Variants in ZBTB20 observed in about 807,000 individuals in gnomAD.
ZBTB20 encodes the protein zinc finger and BTB domain-containing protein 20.
A neutral mutation model predicts 56.9 loss-of-function variants in ZBTB20; 9 were observed. The ratio of observed to expected loss-of-function variants is 0.16; its 90% confidence interval spans 0.10 to 0.28. ZBTB20 has a LOEUF of 0.28. ZBTB20 is among the 10% of genes least tolerant of loss of function. The pLI is 1.00. For synonymous variants in ZBTB20, 417 were observed against 420.7 expected (o/e 0.99, Z 0.11); for missense variants, 655 against 1,003.0 (o/e 0.65, Z 4.69).
Position 114,485,089 on chromosome 3 carries a change from A to G in ZBTB20, c.-255+15263T>C, listed in dbSNP as rs192910942. ...GTCCTGACTCTGCCCCTCCTGGGTCACTCAGTCTATTTTCCCTGGATCCGC... is the reference window on the plus strand; with the variant it reads ...GTCCTGACTCTGCCCCTCCTGGGTCGCTCAGTCTATTTTCCCTGGATCCGC... On this transcript the variant is annotated intron_variant, in intron 7 of 11. Transcript: ENST00000675478. Among the ~76,000 whole-genome samples the G allele has an allele frequency of 1.2e-3, 181 of 152,306 alleles. 1 individual carries two copies. The highest frequency in any genetic ancestry group is 8.5e-4 in the Non-Finnish European group (58 of 68,024).
At chr3:114,475,394 T>A (rs139461220) in intron 7 of ZBTB20, among the ~76,000 whole-genome samples, 153 of 152,288 alleles carry the variant, frequency 1.0e-3, no homozygotes, top group Admixed American at 3.5e-3. Context: ...CTCAGCTCCG[T>A]TGCTAGATTA....
rs147861482 is a variant in ZBTB20 at position 114,712,068 on chromosome 3, A to G, written c.-342-18493T>C. Among the ~76,000 whole-genome samples, 291 of 152,334 alleles carry G rather than the reference A, an allele frequency of 1.9e-3. 1 individual carries two copies. The highest frequency in any genetic ancestry group is 6.6e-3 in the African/African-American group (275 of 41,570). Reference sequence around the variant, plus strand: ...AGAGAAGTTAGAAGTCCTGGCAGCGATCAGTGAGTATTAAAGAATGCCAGT... The same window carrying G: ...AGAGAAGTTAGAAGTCCTGGCAGCGGTCAGTGAGTATTAAAGAATGCCAGT... On this transcript the variant is annotated intron_variant, in intron 5 of 11. Transcript: ENST00000675478.
intron 7 of ZBTB20, among the ~76,000 whole-genome samples, chr3:114,464,626 G>A (rs2092464344): frequency 6.6e-6 from 1 of 152,144 alleles, no homozygotes; most frequent in Non-Finnish European, 1.5e-5. Flanking sequence ...ACTAATAAAT[G>A]AATAAATAAA....
chr3:114,632,319 C>A (rs1350174537), intron 6 of ZBTB20, among the ~76,000 whole-genome samples: 1 of 152,116 alleles, frequency 6.6e-6, no homozygotes, highest in South Asian at 2.1e-4. Context: ...AATTTAATGA[C>A]CCTATGTTTA....
intron 6 of ZBTB20, among the ~76,000 whole-genome samples, chr3:114,613,423 C>T (rs1331899403): frequency 6.6e-6 from 1 of 152,148 alleles, no homozygotes; most frequent in Non-Finnish European, 1.5e-5. Context: ...TAGTAGTAGA[C>T]TGATCTATAG....
At chr3:114,435,192 C>A (rs1459271826) in intron 7 of ZBTB20, among the ~76,000 whole-genome samples, 1 of 151,798 alleles carries the variant, frequency 6.6e-6, no homozygotes, top group Non-Finnish European at 1.5e-5. Context: ...CTTTTATTAT[C>A]ATATGAAAAG....
intron 6 of ZBTB20, among the ~76,000 whole-genome samples, chr3:114,654,472 CAAG>C (rs149707844): frequency 0.057 from 8,702 of 151,790 alleles, 328 homozygotes; most frequent in Middle Eastern, 0.15. Context: ...TAATTATAAA[CAAG>C]AAGCATATTT....
chr3:114,941,203 A>T (rs1361608513), intron 3 of ZBTB20, among the ~76,000 whole-genome samples: 1 of 146,082 alleles, frequency 6.8e-6, no homozygotes. Flanking sequence ...AACAATAATA[A>T]TCTGCTACCT....
intron 5 of ZBTB20, among the ~76,000 whole-genome samples, chr3:114,794,554 G>A (rs765178649): frequency 1.3e-5 from 2 of 152,054 alleles, no homozygotes; most frequent in Admixed American, 6.6e-5. Flanking sequence ...ATTCCCTGTC[G>A]CTATAACATT....
chr3:115,082,749 A>C (rs1273126066), intron 1 of ZBTB20, among the ~76,000 whole-genome samples: 1 of 152,056 alleles, frequency 6.6e-6, no homozygotes, highest in Non-Finnish European at 1.5e-5. Context: ...ATAGAGACAA[A>C]GAAAAACTGG....
At chr3:114,795,685 T>C (rs1455349123) in intron 5 of ZBTB20, among the ~76,000 whole-genome samples, 1 of 152,112 alleles carries the variant, frequency 6.6e-6, no homozygotes, top group Non-Finnish European at 1.5e-5. Flanking sequence ...CCACTCAATG[T>C]TGTCTTGCAT....
chr3:114,853,145 C>T (rs2075079286), intron 4 of ZBTB20, among the ~76,000 whole-genome samples: 1 of 152,198 alleles, frequency 6.6e-6, no homozygotes, highest in African/African-American at 2.4e-5. Context: ...ATGTGGCAGG[C>T]TGGTGTCATT....
chr3:114,343,948 C>A (rs961385605), intron 11 of ZBTB20, among the ~76,000 whole-genome samples: 1 of 152,070 alleles, frequency 6.6e-6, no homozygotes, highest in African/African-American at 2.4e-5. Context: ...ACTCAGGAGG[C>A]TGAGGCAGGA....
intron 5 of ZBTB20, among the ~76,000 whole-genome samples, chr3:114,711,878 T>C (rs1448369132): frequency 2.0e-5 from 3 of 152,232 alleles, no homozygotes; most frequent in African/African-American, 7.2e-5. Flanking sequence ...TATTCTTCTA[T>C]GTCTAAGCTT....
At chr3:114,586,616 G>T (rs926045335) in intron 6 of ZBTB20, among the ~76,000 whole-genome samples, 2 of 152,132 alleles carry the variant, frequency 1.3e-5, no homozygotes, top group Non-Finnish European at 2.9e-5. Context: ...CATTTTAACT[G>T]TGGTAAAATA....
At chr3:114,775,469 TTTAA>T (rs960702171) in intron 5 of ZBTB20, among the ~76,000 whole-genome samples, 1 of 151,672 alleles carries the variant, frequency 6.6e-6, no homozygotes, top group Non-Finnish European at 1.5e-5. Context: ...TGTTGCCTTA[TTTAA>T]TTTTTTTTTT....
intron 5 of ZBTB20, among the ~76,000 whole-genome samples, chr3:114,712,379 G>A (rs1421265031): frequency 1.3e-5 from 2 of 151,960 alleles, no homozygotes; most frequent in African/African-American, 2.4e-5. Flanking sequence ...GGCCGGGCGC[G>A]GTGGCTCACA....
intron 7 of ZBTB20, among the ~76,000 whole-genome samples, chr3:114,450,115 T>C (rs927996004): frequency 6.6e-6 from 1 of 152,188 alleles, no homozygotes; most frequent in Non-Finnish European, 1.5e-5. Flanking sequence ...CTCTCGCCTT[T>C]TTCCCTTCTG....
chr3:114,924,563 G>A (rs1011222853), intron 3 of ZBTB20, among the ~76,000 whole-genome samples: 2 of 152,150 alleles, frequency 1.3e-5, no homozygotes, highest in Admixed American at 6.5e-5. Flanking sequence ...TGGTGGTGGA[G>A]AAAATAAGGA....
Sources: gnomAD v4.1 joint callset for allele counts (sites outside exome capture counted in the v4.1 genomes callset) on GRCh38, gnomAD v4.1.1 for gene constraint, MANE v1.5 for transcripts, NCBI Gene and HGNC (gene_info 2026-07-23, HGNC 2026-07-21) for gene names.